The following HDAC5 variants were observed in gnomAD, a reference collection of about 807,000 sequenced individuals.
HDAC5 encodes histone deacetylase 5, also known as antigen NY-CO-9.
Under a neutral mutation model 133.3 loss-of-function variants are expected in HDAC5, and 25 were observed. The ratio of observed to expected loss-of-function variants is 0.19; its 90% CI spans 0.14 to 0.26. The LOEUF (loss-of-function observed/expected upper bound fraction) is 0.26. Among genes scored for constraint, HDAC5 ranks in the 10% least tolerant of loss-of-function variants. The probability of loss-of-function intolerance (pLI) is 1.00; values close to 1 mark genes in which losing one functional copy is unlikely to be tolerated. For missense variants in HDAC5, 1,041 were observed against 1,460.5 expected (o/e 0.71, Z 4.68); for synonymous variants, 589 against 610.8 (o/e 0.96, Z 0.53).
At chr17:44,094,626 G>A (rs868060457) in intron 3 of HDAC5, among the ~76,000 whole-genome samples, 1 of 152,116 alleles carries the variant, frequency 6.6e-6, no homozygotes, top group Non-Finnish European at 1.5e-5. Context: ...GACAGAGCGA[G>A]CCTCCATCTC....
At chr17:44,106,584 C>T (rs536079075) in intron 3 of HDAC5, among the ~76,000 whole-genome samples, 4 of 151,610 alleles carry the variant, frequency 2.6e-5, no homozygotes, top group Non-Finnish European at 5.9e-5. Flanking sequence ...AAAATCTGCA[C>T]AAAAGAAGCT....
In HDAC5 at chr17:44,122,349, G is replaced by A. The variant is rs550314731; in HGVS notation, c.-190+1155C>T. On this transcript the variant is annotated intron_variant, in intron 1 of 26. Transcript: ENST00000682912. Reference sequence around the variant, plus strand: ...AGGGGTCCCTCTGACCAAGACTCCTGGATCTCACCCTCCCCCCCACCTCCT... The same window carrying A: ...AGGGGTCCCTCTGACCAAGACTCCTAGATCTCACCCTCCCCCCCACCTCCT... 7.2e-5 allele frequency among the ~76,000 whole-genome samples: 11 copies of A among 152,078 alleles called. No individual in the cohort carries two copies. In the East Asian group the frequency reaches 1.9e-3, roughly 27 times the overall value.
chr17:44,083,463 G>A (rs1195643069), intron 18 of HDAC5, 82 bp downstream of exon 18: 1 of 974,802 alleles, frequency 1.0e-6, no homozygotes, highest in East Asian at 2.6e-5. Flanking sequence ...CTCACTGAAA[G>A]GATCCCAAGG....
intron 1 of HDAC5, chr17:44,120,150 C>T (rs2052897363): frequency 6.6e-6 from 1 of 152,544 alleles, no homozygotes; most frequent in Non-Finnish European, 1.5e-5. Flanking sequence ...TGGAGGAGGG[C>T]AGACAAGTGA....
In HDAC5 at chr17:44,101,502, C is replaced by T. The variant is rs374662898; in HGVS notation, c.95-7668G>A. Among the ~76,000 whole-genome samples, 54 of 150,936 alleles carry T rather than the reference C, an allele frequency of 3.6e-4. No individual in the cohort carries two copies. In the South Asian group the frequency reaches 0.01, roughly 28 times the overall value. ...GAGGGGACCCAAGGGGCGTAGAGTA[C>T]AAGGCATGGGACATTATTACGCTGT... On this transcript the variant is annotated intron_variant, in intron 3 of 26. Transcript: ENST00000682912.
Position 44,083,566 on chromosome 17 carries a change from C to G in HDAC5, c.2442G>C (p.Lys814Asn). 6.2e-7 allele frequency: 1 copy of G among 1,613,852 alleles called. No individual in the cohort carries two copies. Among genetic ancestry groups the G allele is most frequent in the Non-Finnish European group, 8.5e-7 (1 of 1,179,932 alleles). Residue 814 changes from lysine (K) to asparagine (N), a missense_variant, in exon 18 of 27, where the codon AAG becomes AAC. Transcript: ENST00000682912. ...AVGCLLELAF[K>N]VAAGELKNGF... ...TCACCTTGAGCTCTCCTGCAGCCAC[C>G]TTGAAGGCCAGCTCCAGCAGGCAGC...
chr17:44,100,578 CAAAAAAAA>C (rs869274112), intron 3 of HDAC5, among the ~76,000 whole-genome samples: 2,162 of 89,374 alleles, frequency 0.024, 89 homozygotes, highest in African/African-American at 0.098. Context: ...ACTAAAGATA[CAAAAAAAA>C]AAAAAAAAAA....
intron 16 of HDAC5, 57 bp downstream of exon 16, chr17:44,084,498 C>T (rs923549225): frequency 6.2e-7 from 1 of 1,601,786 alleles, no homozygotes. Context: ...TTCCTGAGAG[C>T]CCCCATCCCA....
At position 44,078,283 on chromosome 17, in the gene HDAC5, G is replaced by A. The variant is rs184623240; in HGVS notation, c.*93C>T. On this transcript the variant is annotated 3_prime_UTR_variant, in exon 27 of 27. Coordinates refer to ENST00000682912, the MANE Select transcript of HDAC5 (RefSeq NM_005474.5). Reference sequence around the variant, plus strand: ...AGGGGCAAGGCTGAGAGACCCACACGGCACACCTTGTTGAATGTGTGACTT... The same window carrying A: ...AGGGGCAAGGCTGAGAGACCCACACAGCACACCTTGTTGAATGTGTGACTT... 1,331 of 1,346,468 alleles carry A rather than the reference G, an allele frequency of 9.9e-4. 3 individuals are homozygous for A. Among genetic ancestry groups the A allele is most frequent in the South Asian group, 2.3e-3 (143 of 62,650 alleles). The allele number at this position is 1,346,468 out of a possible 1,614,324, so 83.4% of individuals were successfully genotyped here.
intron 18 of HDAC5, 100 bp downstream of exon 18, chr17:44,083,445 G>C: frequency 1.3e-6 from 1 of 794,610 alleles, no homozygotes; most frequent in Non-Finnish European, 2.1e-6. Flanking sequence ...GCTTGCAAAG[G>C]ACAGTGCCTC....
In HDAC5 at chr17:44,079,249, C is replaced by T. The variant is rs755574226; in HGVS notation, c.2973G>A (p.Met991Ile). ...RCFGHLTRQLMTLAGGRVVLA... is the reference protein window; with the variant it reads ...RCFGHLTRQLITLAGGRVVLA... ...GCACCACCCGGCCCCCTGCCAGGGT[C>T]ATCAGCTGCCTGGTCAAGTGGCCAA... is the stretch of plus-strand genomic sequence containing the variant. The change falls in exon 24 of 27, where the codon ATG becomes ATA. Residue 991 changes from methionine to isoleucine, a missense_variant. Around this residue, in one of 9 missense-constraint regions of HDAC5, gnomAD observed 174 missense variants for 352.7 expected, o/e 0.49. Transcript: ENST00000682912. 1 of 1,613,670 alleles carries T rather than the reference C, an allele frequency of 6.2e-7. No individual in the cohort carries two copies. Among genetic ancestry groups the T allele is most frequent in the South Asian group, 1.1e-5 (1 of 91,036 alleles).
intron 20 of HDAC5, 166 bp downstream of exon 20, chr17:44,082,419 A>G: frequency 1.6e-6 from 1 of 607,212 alleles, no homozygotes. Flanking sequence ...GACGTTAGTC[A>G]TCCGGCAGGA....
At chr17:44,110,071 C>T (rs192006738) in intron 3 of HDAC5, among the ~76,000 whole-genome samples, 1 of 152,390 alleles carries the variant, frequency 6.6e-6, no homozygotes, top group African/African-American at 2.4e-5. Flanking sequence ...AGTAACACCT[C>T]TTCATCCTCA....
In HDAC5 at chr17:44,083,527, TCACAAG is replaced by T. The variant is rs2050497935; in HGVS notation, c.2463+12_2463+17del. The T allele has an allele frequency of 6.3e-7, 1 of 1,594,962 alleles. No individual in the cohort carries two copies. The highest frequency in any genetic ancestry group is 1.3e-5 in the African/African-American group (1 of 74,468). ...AGGGCCATGCCAAGGGGCACCGAGG[TCACAAG>T]CACACGCTCACCTTGAGCTCTCCTG... On this transcript the variant is annotated intron_variant, in intron 18 of 26. Coordinates refer to ENST00000682912, the MANE Select transcript of HDAC5 (RefSeq NM_005474.5).
In HDAC5 at chr17:44,078,880, C is replaced by T; in HGVS notation, c.3079-1G>A. On this transcript the variant is annotated splice_acceptor_variant, in intron 24 of 26. Transcript: ENST00000682912. LOFTEE classifies it high-confidence loss of function. ...AGACTGCCTCATCCAAGGGCTGCAGCTGGCAGGGGAAAGAAGAGAAGGCTT... is the reference window on the plus strand; with the variant it reads ...AGACTGCCTCATCCAAGGGCTGCAGTTGGCAGGGGAAAGAAGAGAAGGCTT... 6.2e-7 allele frequency: 1 copy of T among 1,614,138 alleles called. No homozygotes were observed. Among genetic ancestry groups the T allele is most frequent in the South Asian group, 1.1e-5 (1 of 91,084 alleles).
chr17:44,079,665 GA>G (rs1264039034), intron 23 of HDAC5, among the ~76,000 whole-genome samples: 4 of 133,418 alleles, frequency 3.0e-5, no homozygotes, highest in South Asian at 5.0e-4. Flanking sequence ...AAAAAAGAAA[GA>G]AAAGGAGAGA....
chr17:44,079,557 A>C (rs190776869), intron 23 of HDAC5, among the ~76,000 whole-genome samples: 44 of 145,476 alleles, frequency 3.0e-4, no homozygotes, highest in Middle Eastern at 3.5e-3. Flanking sequence ...GGAGGATGGC[A>C]TGAACCCAGG....
intron 3 of HDAC5, among the ~76,000 whole-genome samples, chr17:44,097,492 CAGA>C (rs2051343738): frequency 6.6e-6 from 1 of 152,226 alleles, no homozygotes; most frequent in African/African-American, 2.4e-5. Context: ...TTGGAAACTG[CAGA>C]AGGCCTTCCT....
At chr17:44,080,617 A>G in intron 21 of HDAC5, 119 bp from the exon 22 acceptor site, 1 of 1,456,596 alleles carries the variant, frequency 6.9e-7, no homozygotes, top group Non-Finnish European at 9.6e-7. Context: ...CTGGAGGGGC[A>G]GTCAGATCAG....
Sources: allele counts gnomAD v4.1 joint callset (sites outside exome capture counted in the v4.1 genomes callset), GRCh38; gene constraint gnomAD v4.1.1; regional missense constraint gnomAD v4.1.1; transcripts MANE v1.5; gene names NCBI Gene and HGNC (gene_info 2026-07-23, HGNC 2026-07-21).